Variants in OSBPL10 observed in about 807,000 individuals in gnomAD.
The protein encoded by OSBPL10 is oxysterol-binding protein-related protein 10.
Under a neutral mutation model 81.7 loss-of-function variants are expected in OSBPL10, and 49 were observed. The observed-to-expected ratio is 0.60, with a 90% CI of 0.48 to 0.76. The LOEUF is 0.76. Among genes scored for constraint, OSBPL10 ranks in the 30% least tolerant of loss-of-function variants. OSBPL10 has a pLI of 0.00. For synonymous variants in OSBPL10, 419 were observed against 383.6 expected (o/e 1.09, Z -1.08); for missense variants, 923 against 987.8 (o/e 0.93, Z 0.88).
In OSBPL10 at chr3:31,990,431, A is replaced by T. The variant is rs1699012094; in HGVS notation, n.298+56060T>A. Reference sequence around the variant, plus strand: ...GTTCATTGGCGAACTCATACTGGAGAGAAACCTTACAAGTGTAATGAGTGT... The same window carrying T: ...GTTCATTGGCGAACTCATACTGGAGTGAAACCTTACAAGTGTAATGAGTGT... On this transcript the variant is annotated intron_variant and non_coding_transcript_variant, in intron 2 of 3. Transcript: ENST00000479173. 1.9e-6 allele frequency: 3 copies of T among 1,599,460 alleles called. No individual in the cohort carries two copies. Among genetic ancestry groups the T allele is most frequent in the Non-Finnish European group, 1.7e-6 (2 of 1,177,974 alleles).
chr3:31,813,538 T>C (rs1699762583), intron 4 of OSBPL10, among the ~76,000 whole-genome samples: 2 of 152,268 alleles, frequency 1.3e-5, no homozygotes, highest in South Asian at 4.1e-4. Context: ...TTGTTGCCTT[T>C]AACACCAACT....
At chr3:31,767,724 C>A (rs1477806141) in intron 4 of OSBPL10, among the ~76,000 whole-genome samples, 1 of 152,130 alleles carries the variant, frequency 6.6e-6, no homozygotes, top group African/African-American at 2.4e-5. Context: ...TTAAATGAAC[C>A]ACTGAATGCA....
chr3:31,875,880 T>C (rs1701458643), intron 3 of OSBPL10, among the ~76,000 whole-genome samples: 1 of 152,050 alleles, frequency 6.6e-6, no homozygotes. Context: ...TGAATGTAAA[T>C]CCTCCACAAT....
chr3:32,023,050 C>CA (rs1436764421), intron 2 of OSBPL10, among the ~76,000 whole-genome samples: 1 of 152,204 alleles, frequency 6.6e-6, no homozygotes, highest in Non-Finnish European at 1.5e-5. Flanking sequence ...TATAGGGAAT[C>CA]AAACATCTCC....
intron 1 of OSBPL10, among the ~76,000 whole-genome samples, chr3:31,961,135 CT>C: frequency 6.9e-6 from 1 of 145,356 alleles, no homozygotes; most frequent in East Asian, 2.1e-4. Flanking sequence ...AAGAATGAAG[CT>C]ATTCTATAAC....
In OSBPL10 at chr3:31,813,042, CAATATAAGA is replaced by C. The variant is rs1699749419; in HGVS notation, c.729+16989_729+16997del. ...TATGTGTTTTACATCGAAATCTCTC[CAATATAAGA>C]AATATAAGGAATCTCTCTGAAAATA... On this transcript the variant is annotated intron_variant, in intron 4 of 11. Coordinates refer to ENST00000396556, the MANE Select transcript of OSBPL10 (RefSeq NM_017784.5). Among the ~76,000 whole-genome samples, 3 of 152,202 alleles carry C rather than the reference CAATATAAGA, an allele frequency of 2.0e-5. No individual in the cohort carries two copies. The South Asian group carries it at 6.2e-4, about 32-fold the overall frequency.
chr3:31,858,189 C>T (rs569652388), intron 3 of OSBPL10, among the ~76,000 whole-genome samples: 1 of 152,076 alleles, frequency 6.6e-6, no homozygotes, highest in East Asian at 1.9e-4. Flanking sequence ...TTCTGTAAGA[C>T]AGGGTTTCCC....
At chr3:32,037,834 C>A (rs917738193) in intron 2 of OSBPL10, among the ~76,000 whole-genome samples, 1 of 152,014 alleles carries the variant, frequency 6.6e-6, no homozygotes, top group African/African-American at 2.4e-5. Flanking sequence ...CAATCCCAGG[C>A]CTTGAAAGAG....
At chr3:32,058,833 A>G (rs574367021) in intron 1 of OSBPL10, among the ~76,000 whole-genome samples, 2 of 152,220 alleles carry the variant, frequency 1.3e-5, no homozygotes, top group African/African-American at 4.8e-5. Context: ...GACTACATGT[A>G]TGCACCACAA....
intron 1 of OSBPL10, among the ~76,000 whole-genome samples, chr3:31,968,995 T>C (rs1419574631): frequency 6.6e-6 from 1 of 152,202 alleles, no homozygotes; most frequent in Non-Finnish European, 1.5e-5. Flanking sequence ...TTTGTTCTGT[T>C]AAACTTTTTA....
rs559512973 is a variant in OSBPL10 at position 31,850,720 on chromosome 3, C to T, written c.538-20489G>A. Reference sequence around the variant, plus strand: ...CGTCATCATGCCATCATTATAATCACGATATTAATAGCTACTGAACCTGTC... The same window carrying T: ...CGTCATCATGCCATCATTATAATCATGATATTAATAGCTACTGAACCTGTC... On this transcript the variant is annotated intron_variant, in intron 3 of 11. Coordinates refer to ENST00000396556, the MANE Select transcript of OSBPL10 (RefSeq NM_017784.5). Among the ~76,000 whole-genome samples the T allele has an allele frequency of 2.6e-4, 40 of 152,286 alleles. 1 individual carries two copies. The South Asian group carries it at 3.5e-3, about 13-fold the overall frequency.
chr3:32,042,911 A>G lies in OSBPL10; in HGVS notation n.298+3580T>C, dbSNP rs532669020. Among the ~76,000 whole-genome samples, 4 of 152,278 alleles carry G rather than the reference A, an allele frequency of 2.6e-5. No homozygotes were observed. The South Asian group carries it at 8.4e-4, about 32-fold the overall frequency. On this transcript the variant is annotated intron_variant and non_coding_transcript_variant, in intron 2 of 3. Coordinates refer to the OSBPL10 transcript ENST00000479173. ...GGCAAAGGGCAAAAGCAAAGATCAC[A>G]AGGCAAAGGGCAAAAGCAGAATTAC...
chr3:31,763,782 GA>G (rs572474431), intron 4 of OSBPL10, among the ~76,000 whole-genome samples: 1 of 151,596 alleles, frequency 6.6e-6, no homozygotes, highest in African/African-American at 2.4e-5. Flanking sequence ...CTTGAAAAAA[GA>G]AAAAAAACTG....
intron 1 of OSBPL10, among the ~76,000 whole-genome samples, chr3:31,916,357 G>A (rs772375082): frequency 1.3e-5 from 2 of 152,110 alleles, no homozygotes; most frequent in Admixed American, 1.3e-4. Context: ...GTTCCTTCTT[G>A]GTTTGTCTTC....
At position 32,066,011 on chromosome 3, in the gene OSBPL10, AAG is replaced by A. The variant is rs1233723569; in HGVS notation, n.185+11383_185+11384del. On this transcript the variant is annotated intron_variant and non_coding_transcript_variant, in intron 1 of 3. Transcript: ENST00000479173. ...AGAAAGAAAGAAAGAAAGAAAGAGA[AAG>A]AAAGAAAGAAAGAGAGAGAGAGAGA... is the stretch of plus-strand genomic sequence containing the variant. Among the ~76,000 whole-genome samples, 2 of 53,228 alleles carry A rather than the reference AAG, an allele frequency of 3.8e-5. 1 individual carries two copies. Among genetic ancestry groups the A allele is most frequent in the Non-Finnish European group, 9.7e-5 (2 of 20,716 alleles). The allele number at this position is 53,228 out of a possible 152,430, so 34.9% of individuals were successfully genotyped here.
chr3:31,870,223 C>T (rs928224939), intron 3 of OSBPL10, among the ~76,000 whole-genome samples: 11 of 152,222 alleles, frequency 7.2e-5, no homozygotes, highest in Non-Finnish European at 1.5e-4. Context: ...GAGCAGCCGG[C>T]GGGCCTCCCG....
intron 2 of OSBPL10, among the ~76,000 whole-genome samples, chr3:32,019,018 A>C (rs1471089350): frequency 6.6e-6 from 1 of 152,164 alleles, no homozygotes. Flanking sequence ...AAGAGGAAAA[A>C]AGGAAAAAAA....
intron 2 of OSBPL10, among the ~76,000 whole-genome samples, chr3:32,019,032 A>C (rs964567942): frequency 1.4e-4 from 22 of 152,248 alleles, no homozygotes; most frequent in African/African-American, 5.3e-4. Flanking sequence ...AAAAAAAGGT[A>C]ATTTCTGAAA....
upstream of OSBPL10, chr3:31,981,933 G>A (rs541695105): frequency 1.1e-4 from 16 of 152,346 alleles, no homozygotes; most frequent in African/African-American, 3.6e-4. The surrounding 1 kb of genome is among the most constrained non-coding windows in gnomAD (Gnocchi z 4.5). Context: ...CATGCAGCAG[G>A]ATTATGATAA....
Sources: gnomAD v4.1 joint callset for allele counts (sites outside exome capture counted in the v4.1 genomes callset) on GRCh38, gnomAD v4.1.1 for gene constraint, Gnocchi (gnomAD v3.1) non-coding constraint, MANE v1.5 for transcripts, NCBI Gene and HGNC (gene_info 2026-07-23, HGNC 2026-07-21) for gene names.